Variants in PRKN observed in about 807,000 individuals in gnomAD.
The protein encoded by PRKN is parkin RBR E3 ubiquitin protein ligase.
PRKN carries 56 observed loss-of-function variants against 59.5 expected under a neutral mutation model. That is an observed-to-expected ratio of 0.94 (90% CI 0.76 to 1.18). The LOEUF is 1.18. Ranked by LOEUF, PRKN falls within the 50% of genes most tolerant of loss-of-function variation. The probability of loss-of-function intolerance (pLI) is 0.00; values close to 1 mark genes in which losing one functional copy is unlikely to be tolerated. For synonymous variants in PRKN, 250 were observed against 222.1 expected (o/e 1.13, Z -1.12); for missense variants, 657 against 596.4 (o/e 1.10, Z -1.06).
At chr6:161,654,348 G>C (rs6938497) in intron 7 of PRKN, among the ~76,000 whole-genome samples, 52,086 of 151,946 alleles carry the variant, frequency 0.34, 9,443 homozygotes, top group African/African-American at 0.44. Context: ...CATGTACCCC[G>C]GAAGCCCTTC....
chr6:161,732,441 T>C (rs13218127), intron 7 of PRKN, among the ~76,000 whole-genome samples: 2 of 151,396 alleles, frequency 1.3e-5, no homozygotes, highest in Non-Finnish European at 2.9e-5. Context: ...TGTGTCAATG[T>C]GTTCTCATTG....
chr6:162,319,328 A>G (rs1236534964), intron 2 of PRKN, among the ~76,000 whole-genome samples: 1 of 152,000 alleles, frequency 6.6e-6, no homozygotes, highest in Non-Finnish European at 1.5e-5. Context: ...ATACACAAAG[A>G]AAGTTGAGAA....
intron 6 of PRKN, among the ~76,000 whole-genome samples, chr6:161,969,276 T>G (rs1056423427): frequency 5.3e-5 from 8 of 151,726 alleles, no homozygotes; most frequent in East Asian, 1.9e-4. Flanking sequence ...TTGTTTTTTT[T>G]TTTTTTTTTT....
intron 4 of PRKN, among the ~76,000 whole-genome samples, chr6:162,088,880 T>G (rs531046184): frequency 2.6e-5 from 4 of 152,230 alleles, no homozygotes; most frequent in African/African-American, 9.6e-5. Flanking sequence ...GAAGCTGAGT[T>G]CCTACATCAC....
chr6:161,614,145 C>T (rs747231637), intron 7 of PRKN, among the ~76,000 whole-genome samples: 5 of 152,194 alleles, frequency 3.3e-5, no homozygotes, highest in Non-Finnish European at 7.3e-5. Flanking sequence ...CCTTTCTCTT[C>T]AGCCACATCT....
intron 1 of PRKN, among the ~76,000 whole-genome samples, chr6:162,552,218 CAG>C (rs1461414571): frequency 2.6e-5 from 4 of 152,148 alleles, no homozygotes; most frequent in Non-Finnish European, 4.4e-5. Context: ...ACAGCAAAGA[CAG>C]AGACCAGGCC....
intron 4 of PRKN, among the ~76,000 whole-genome samples, chr6:162,145,823 A>C (rs1211023476): frequency 1.3e-5 from 2 of 152,196 alleles, no homozygotes; most frequent in African/African-American, 4.8e-5. Context: ...CTAAACAAAC[A>C]TCTGATGGGC....
At chr6:161,974,003 G>C (rs117235586) in intron 5 of PRKN, among the ~76,000 whole-genome samples, 1 of 152,194 alleles carries the variant, frequency 6.6e-6, no homozygotes, top group Admixed American at 6.5e-5. Context: ...GCGTTGGCTC[G>C]CGCCTGTAAT....
chr6:162,354,104 A>T (rs1387247625), intron 2 of PRKN, among the ~76,000 whole-genome samples: 2 of 152,188 alleles, frequency 1.3e-5, no homozygotes, highest in Non-Finnish European at 2.9e-5. Flanking sequence ...TCTGCAGCAT[A>T]TGGAAATTTG....
intron 6 of PRKN, among the ~76,000 whole-genome samples, chr6:161,897,977 A>AAAAG (rs1473953605): frequency 7.2e-6 from 1 of 139,802 alleles, no homozygotes; most frequent in Non-Finnish European, 1.5e-5. Context: ...AAAAAAAAAA[A>AAAAG]AAAAAAAGTC....
chr6:161,563,499 A>G (rs1296841528), intron 8 of PRKN, among the ~76,000 whole-genome samples: 2 of 152,150 alleles, frequency 1.3e-5, no homozygotes, highest in Non-Finnish European at 2.9e-5. Context: ...GTTTCCTACA[A>G]TGTGATAATG....
In PRKN at chr6:161,456,451, C is replaced by A. The variant is rs943465642; in HGVS notation, c.1084-69574G>T. ...ACTGAAGGCTGCACTGTCGGCTTCC[C>A]TACTTTTGAGGTTTTGGGAGTCAGA... On this transcript the variant is annotated intron_variant, in intron 9 of 11. Transcript: ENST00000366898. The surrounding 1 kb of genome is among the most constrained non-coding windows in gnomAD (Gnocchi z 4.8). Among the ~76,000 whole-genome samples the A allele has an allele frequency of 9.9e-5, 15 of 152,190 alleles. No homozygotes were observed. The highest frequency in any genetic ancestry group is 1.9e-4 in the Non-Finnish European group (13 of 68,030).
rs143581691 is a variant in PRKN at position 161,357,125 on chromosome 6, C to T, written c.1285+2963G>A. Among the ~76,000 whole-genome samples, 3,009 of 148,484 alleles carry T rather than the reference C, an allele frequency of 0.02. 77 individuals are homozygous for T. The highest frequency in any genetic ancestry group is 0.059 in the African/African-American group (2,384 of 40,282). Reference sequence around the variant, plus strand: ...GGAGTGCAATGGCATGATCTCAGCTCACTGCAAATTCCGCCTCCCAGGTTC... The same window carrying T: ...GGAGTGCAATGGCATGATCTCAGCTTACTGCAAATTCCGCCTCCCAGGTTC... On this transcript the variant is annotated intron_variant, in intron 11 of 11. Coordinates refer to ENST00000366898, the MANE Select transcript of PRKN (RefSeq NM_004562.3). This position sits in a 1 kb window ranked among gnomAD's most constrained non-coding sequence, Gnocchi z 5.5.
At chr6:162,342,534 A>G (rs992612504) in intron 2 of PRKN, among the ~76,000 whole-genome samples, 7 of 152,128 alleles carry the variant, frequency 4.6e-5, no homozygotes, top group Non-Finnish European at 8.8e-5. Flanking sequence ...TCACTTGCCA[A>G]AGTTTACATA....
intron 1 of PRKN, among the ~76,000 whole-genome samples, chr6:162,451,724 A>C (rs2128171187): frequency 6.6e-6 from 1 of 152,322 alleles, no homozygotes; most frequent in Non-Finnish European, 1.5e-5. Context: ...TTAAATGAAT[A>C]GATGTTAGGG....
chr6:162,248,923 G>C (rs1779312053), intron 3 of PRKN, among the ~76,000 whole-genome samples: 1 of 151,408 alleles, frequency 6.6e-6, no homozygotes. Context: ...TCTGTCACCA[G>C]GCTGGAGTGC....
intron 3 of PRKN, among the ~76,000 whole-genome samples, chr6:162,217,295 A>G (rs1777720919): frequency 6.6e-6 from 1 of 152,108 alleles, no homozygotes; most frequent in African/African-American, 2.4e-5. Flanking sequence ...GGAAGCAGAA[A>G]AACAAACACA....
At chr6:161,950,278 C>T (rs895298803) in intron 6 of PRKN, among the ~76,000 whole-genome samples, 4 of 152,174 alleles carry the variant, frequency 2.6e-5, no homozygotes, top group African/African-American at 4.8e-5. Flanking sequence ...GGTGTGGTGG[C>T]TTATGCCTGT....
At chr6:162,308,805 G>C (rs1782346879) in intron 2 of PRKN, among the ~76,000 whole-genome samples, 1 of 152,080 alleles carries the variant, frequency 6.6e-6, no homozygotes, top group Non-Finnish European at 1.5e-5. Context: ...TCTGGTGCCA[G>C]GGCAGCCCAT....
Sources: gnomAD v4.1 joint callset for allele counts (sites outside exome capture counted in the v4.1 genomes callset) on GRCh38, gnomAD v4.1.1 for gene constraint, Gnocchi (gnomAD v3.1) non-coding constraint, MANE v1.5 for transcripts, NCBI Gene and HGNC (gene_info 2026-07-23, HGNC 2026-07-21) for gene names.